The following LEMD3 variants were observed in gnomAD, a reference collection of about 807,000 sequenced individuals.
LEMD3 encodes LEM domain containing 3.
In LEMD3, 33 loss-of-function variants were observed where a neutral mutation model predicts 95.2. That is an observed-to-expected ratio of 0.35 (90% confidence interval 0.26 to 0.46). LEMD3 has a LOEUF of 0.46. Among genes scored for constraint, LEMD3 ranks in the 20% least tolerant of loss-of-function variants. LEMD3 has a pLI of 1.00. For missense variants in LEMD3, 1,210 were observed against 1,192.8 expected (o/e 1.01, Z -0.21); for synonymous variants, 525 against 474.6 (o/e 1.11, Z -1.38).
chr12:65,169,786 C>A lies in LEMD3; in HGVS notation c.190C>A (p.Arg64=). The A allele has an allele frequency of 6.4e-7, 1 of 1,574,036 alleles. No individual in the cohort carries two copies. The highest frequency in any genetic ancestry group is 8.6e-7 in the Non-Finnish European group (1 of 1,158,854). ...HRSGGRGNKT[R]NSNNNNTAAA... ...GTCAGGGGGCCGCGGCAACAAGACG[C>A]GGAACAGTAATAACAATAACACGGC... The change falls in exon 1 of 13, where the codon CGG becomes AGG. Residue 64 remains arginine (R), a synonymous_variant. Transcript: ENST00000308330.
At chr12:65,184,600 A>G (rs1435993948) in intron 1 of LEMD3, among the ~76,000 whole-genome samples, 1 of 152,148 alleles carries the variant, frequency 6.6e-6, no homozygotes, top group Non-Finnish European at 1.5e-5. Context: ...TTGGCTCAAT[A>G]ACTTTAAAAG....
At position 65,240,928 on chromosome 12, in the gene LEMD3, T is replaced by C; in HGVS notation, c.2146T>C (p.Trp716Arg). 1 of 1,614,022 alleles carries C rather than the reference T, an allele frequency of 6.2e-7. No homozygotes were observed. The highest frequency in any genetic ancestry group is 8.5e-7 in the Non-Finnish European group (1 of 1,179,920). ...PHDRKKMKKV[W>R]DRAVDFLAAN... is the part of the protein sequence containing the mutation. ...TGATAGGAAAAAAATGAAGAAAGTC[T>C]GGGATAGAGCTGTTGACTTCCTTGC... The change falls in exon 9 of 13, where the codon TGG becomes CGG. Residue 716 changes from tryptophan to arginine, a missense_variant. Physicochemically the swap from Trp to Arg is moderately radical, Grantham distance 101. Transcript: ENST00000308330.
chr12:65,170,716 G>C lies in LEMD3; in HGVS notation c.1120G>C (p.Asp374His), dbSNP rs764953197. The C allele has an allele frequency of 1.9e-6, 3 of 1,614,202 alleles. No homozygotes were observed. Among genetic ancestry groups the C allele is most frequent in the Middle Eastern group, 1.6e-4 (1 of 6,062 alleles). The change falls in exon 1 of 13, where the codon GAC (aspartate) becomes CAC (histidine). Residue 374 changes from aspartate (D) to histidine (H), a missense_variant. Coordinates refer to ENST00000308330, the MANE Select transcript of LEMD3 (RefSeq NM_014319.5). ...LTPLLPPPLT[D>H]MDSTLDSSTG... is the part of the protein sequence containing the mutation. ...CCCTCTCCTGCCCCCGCCACTTACT[G>C]ACATGGACTCAACCTTGGATTCGTC... is the stretch of plus-strand genomic sequence containing the variant.
intron 9 of LEMD3, among the ~76,000 whole-genome samples, chr12:65,242,914 TA>T (rs1870978150): frequency 6.6e-6 from 1 of 152,190 alleles, no homozygotes; most frequent in Non-Finnish European, 1.5e-5. Flanking sequence ...TCATCTTAAA[TA>T]ATCTGACATC....
chr12:65,228,057 A>ATT (rs1870509232), intron 4 of LEMD3, among the ~76,000 whole-genome samples: 1 of 152,120 alleles, frequency 6.6e-6, no homozygotes, highest in Admixed American at 6.6e-5. Flanking sequence ...ACAAGATAGG[A>ATT]CCTGACCAGT....
chr12:65,227,776 A>AT (rs1870498207), intron 4 of LEMD3, among the ~76,000 whole-genome samples: 2 of 130,056 alleles, frequency 1.5e-5, no homozygotes, highest in Non-Finnish European at 3.2e-5. Flanking sequence ...TTGTTAATGT[A>AT]TTTTTTGTGT....
chr12:65,229,883 C>A (rs146470880), intron 4 of LEMD3, among the ~76,000 whole-genome samples: 1 of 152,276 alleles, frequency 6.6e-6, no homozygotes, highest in Non-Finnish European at 1.5e-5. Flanking sequence ...CCATAAAAAC[C>A]TTTGTCCAGA....
chr12:65,178,250 T>C (rs1361141875), intron 1 of LEMD3, among the ~76,000 whole-genome samples: 1 of 152,150 alleles, frequency 6.6e-6, no homozygotes, highest in Non-Finnish European at 1.5e-5. Flanking sequence ...ATGAGAATAT[T>C]CCCGTGAATG....
At chr12:65,225,519 G>C (rs527616865) in intron 4 of LEMD3, among the ~76,000 whole-genome samples, 4 of 152,074 alleles carry the variant, frequency 2.6e-5, no homozygotes, top group East Asian at 1.9e-4. Flanking sequence ...TTTGATCCCT[G>C]GTATCTGTAG....
At chr12:65,233,837 C>T (rs777576273) in intron 4 of LEMD3, among the ~76,000 whole-genome samples, 3 of 152,082 alleles carry the variant, frequency 2.0e-5, no homozygotes, top group Non-Finnish European at 4.4e-5. Flanking sequence ...TTTTAAAGTA[C>T]ACATTTTTGA....
intron 1 of LEMD3, among the ~76,000 whole-genome samples, chr12:65,196,081 C>G (rs1413554433): frequency 6.6e-6 from 1 of 151,142 alleles, no homozygotes; most frequent in Admixed American, 6.6e-5. Flanking sequence ...AGATACAGAC[C>G]TGGTTGATGT....
intron 1 of LEMD3, among the ~76,000 whole-genome samples, chr12:65,175,708 A>G (rs1868699207): frequency 6.6e-6 from 1 of 152,120 alleles, no homozygotes; most frequent in African/African-American, 2.4e-5. Context: ...AGGAAGTTTC[A>G]TTCACTCTCC....
chr12:65,185,782 C>A (rs1869042885), intron 1 of LEMD3, among the ~76,000 whole-genome samples: 1 of 151,818 alleles, frequency 6.6e-6, no homozygotes, highest in Admixed American at 6.6e-5. Context: ...GCTGGTAACC[C>A]CTTAATCTCA....
chr12:65,217,800 G>A (rs1352762539), intron 3 of LEMD3, among the ~76,000 whole-genome samples: 1 of 152,118 alleles, frequency 6.6e-6, no homozygotes, highest in South Asian at 2.1e-4. Flanking sequence ...TTCCCTGTTG[G>A]TCTGTTATAA....
intron 1 of LEMD3, chr12:65,171,340 T>C: frequency 1.5e-6 from 1 of 646,538 alleles, no homozygotes; most frequent in Non-Finnish European, 2.5e-6. Flanking sequence ...TATTGTGAAA[T>C]TCAAAACAAT....
At chr12:65,199,606 CA>C (rs61001934) in intron 1 of LEMD3, among the ~76,000 whole-genome samples, 2,012 of 149,802 alleles carry the variant, frequency 0.013, 23 homozygotes, top group South Asian at 0.044. Context: ...ATTCTAAAAC[CA>C]AAAAAAAATT....
intron 8 of LEMD3, chr12:65,240,672 G>C: frequency 1.8e-6 from 1 of 552,752 alleles, no homozygotes; most frequent in South Asian, 2.2e-5. Context: ...CTTGACCCTA[G>C]CAACACATAA....
chr12:65,234,242 A>C (rs1173947137), intron 4 of LEMD3, among the ~76,000 whole-genome samples: 1 of 152,212 alleles, frequency 6.6e-6, no homozygotes, highest in Non-Finnish European at 1.5e-5. Context: ...AAAAGAAAGA[A>C]AGAAATTTAT....
intron 1 of LEMD3, among the ~76,000 whole-genome samples, chr12:65,193,776 T>TGTGTGTGTGTGTGTGTGTGTG (rs1869322997): frequency 2.1e-5 from 1 of 46,718 alleles, no homozygotes; most frequent in African/African-American, 8.9e-5. Flanking sequence ...GTGTGTGTGT[T>TGTGTGTGTGTGTGTGTGTGTG]GGGGGAGGGG....
Sources: gnomAD v4.1 joint callset for allele counts (sites outside exome capture counted in the v4.1 genomes callset) on GRCh38, gnomAD v4.1.1 for gene constraint, MANE v1.5 for transcripts, NCBI Gene and HGNC (gene_info 2026-07-23, HGNC 2026-07-21) for gene names.